GUCD1: variants seen among roughly 807,000 people sequenced by gnomAD.
GUCD1 encodes protein GUCD1.
Under a neutral mutation model 28.3 loss-of-function variants are expected in GUCD1, and 17 were observed. That is an observed-to-expected ratio of 0.60 (90% CI 0.41 to 0.90). The LOEUF is 0.90. Among genes scored for constraint, GUCD1 ranks in the 40% least tolerant of loss-of-function variants. GUCD1 has a pLI of 0.00. For synonymous variants in GUCD1, 129 were observed against 123.3 expected (o/e 1.05, Z -0.30); for missense variants, 279 against 305.5 (o/e 0.91, Z 0.65).
chr22:24,555,400 A>G (rs1489748800), upstream of GUCD1: 14 of 1,242,866 alleles, frequency 1.1e-5, no homozygotes, highest in Non-Finnish European at 1.3e-5. Flanking sequence ...CATTTCCTGA[A>G]TAGAGGCTCG....
intron 2 of GUCD1, 26 bp from the exon 3 acceptor site, chr22:24,548,099 C>T (rs770689834): frequency 6.2e-7 from 1 of 1,608,286 alleles, no homozygotes; most frequent in East Asian, 2.2e-5. Flanking sequence ...CTGGGGAGCT[C>T]AGCTTGGTCT....
chr22:24,551,277 A>G (rs1414084258), intron 1 of GUCD1, among the ~76,000 whole-genome samples: 1 of 152,134 alleles, frequency 6.6e-6, no homozygotes, highest in East Asian at 1.9e-4. Flanking sequence ...AAAGATACCC[A>G]GGCCGTTCAC....
intron 1 of GUCD1, 51 bp from the exon 2 acceptor site, chr22:24,549,052 T>G: frequency 1.5e-6 from 2 of 1,325,740 alleles, no homozygotes; most frequent in Non-Finnish European, 2.1e-6. Flanking sequence ...AGCCCACCAC[T>G]CCCACCCTCA....
rs993002802 is a variant in GUCD1, at chr22:24,542,723, G to A, written c.*283C>T. On this transcript the variant is annotated 3_prime_UTR_variant, in exon 6 of 6. Transcript: ENST00000435822. Reference sequence around the variant, plus strand: ...GCTCAAAGGCAACAAGGGCACTGTCGGGACTGGACTTCCTGTGGGCGCAGC... The same window carrying A: ...GCTCAAAGGCAACAAGGGCACTGTCAGGACTGGACTTCCTGTGGGCGCAGC... 1 of 406,182 alleles carries A rather than the reference G, an allele frequency of 2.5e-6. No individual in the cohort carries two copies. 25.2% of individuals were successfully genotyped at this position (406,182 alleles called of 1,614,324 possible).
intron 2 of GUCD1, among the ~76,000 whole-genome samples, 175 bp downstream of exon 2, chr22:24,548,742 G>A (rs1246435854): frequency 2.0e-5 from 3 of 152,196 alleles, no homozygotes; most frequent in African/African-American, 7.2e-5. Context: ...GGAAGGCCTG[G>A]TCCACCCCTT....
intron 1 of GUCD1, among the ~76,000 whole-genome samples, chr22:24,549,552 C>T (rs1310870938): frequency 6.6e-6 from 1 of 152,138 alleles, no homozygotes; most frequent in Non-Finnish European, 1.5e-5. Flanking sequence ...TGCTCTGTCG[C>T]ACAGGCTGGA....
At chr22:24,555,604 G>GC (rs374369179), upstream of GUCD1, 2 of 1,550,396 alleles carry the variant, frequency 1.3e-6, no homozygotes, top group Non-Finnish European at 1.7e-6. Context: ...CTCACTCAGG[G>GC]CCCCCCTTAC....
intron 4 of GUCD1, among the ~76,000 whole-genome samples, chr22:24,545,862 A>T (rs1252121750): frequency 6.6e-6 from 1 of 151,814 alleles, no homozygotes; most frequent in Non-Finnish European, 1.5e-5. Context: ...AAGTGCTGGG[A>T]TTACAAGCGT....
Position 24,552,769 on chromosome 22 carries a change from CA to C in GUCD1, c.43+2179del, listed in dbSNP as rs765067330. Among the ~76,000 whole-genome samples, 421 of 110,756 alleles carry C rather than the reference CA, an allele frequency of 3.8e-3. 1 individual carries two copies. The highest frequency in any genetic ancestry group is 6.8e-3 in the African/African-American group (211 of 31,016). The allele number at this position is 110,756 out of a possible 152,430, so 72.7% of individuals were successfully genotyped here. On this transcript the variant is annotated intron_variant, in intron 1 of 5. Coordinates refer to ENST00000435822, the MANE Select transcript of GUCD1 (RefSeq NM_001284254.2). ...TGGGCGACAGAGTGAGACTCCATCT[CA>C]AAAAAAAAAAAAGGAAAAGGAAAAA... is the stretch of plus-strand genomic sequence containing the variant.
At chr22:24,543,753 T>C (rs2044652357) in intron 5 of GUCD1, 89 bp downstream of exon 5, 4 of 1,515,350 alleles carry the variant, frequency 2.6e-6, no homozygotes, top group African/African-American at 2.7e-5. Context: ...CTGGCCACAC[T>C]AGATTGAATG....
At chr22:24,548,232 G>A (rs1361464958) in intron 2 of GUCD1, among the ~76,000 whole-genome samples, 159 bp from the exon 3 acceptor site, 1 of 152,194 alleles carries the variant, frequency 6.6e-6, no homozygotes, top group Admixed American at 6.5e-5. Flanking sequence ...ACACTGCCCA[G>A]GCTGCTTGGG....
At chr22:24,551,000 A>G (rs2147095169) in intron 1 of GUCD1, among the ~76,000 whole-genome samples, 1 of 152,292 alleles carries the variant, frequency 6.6e-6, no homozygotes, top group South Asian at 2.1e-4. Context: ...CATGTGCAGC[A>G]GGGCCCATGG....
At chr22:24,547,098 A>G (rs2044747551) in intron 3 of GUCD1, 93 bp from the exon 4 acceptor site, 1 of 983,626 alleles carries the variant, frequency 1.0e-6, no homozygotes, top group South Asian at 1.3e-5. Context: ...ACAGAGGCAG[A>G]GACAGCAGGA....
At chr22:24,550,585 T>G (rs180922107) in intron 1 of GUCD1, among the ~76,000 whole-genome samples, 35 of 152,334 alleles carry the variant, frequency 2.3e-4, no homozygotes, top group African/African-American at 6.7e-4. Context: ...GGCAGGTCTC[T>G]CCTGGACTGT....
In GUCD1 at chr22:24,540,947, C is replaced by T. The variant is rs886604572; in HGVS notation, c.*2059G>A. The T allele has an allele frequency of 1.8e-5, 3 of 169,404 alleles. No homozygotes were observed. In the Admixed American group the frequency reaches 2.0e-4, roughly 11 times the overall value. 10.5% of individuals were successfully genotyped at this position (169,404 alleles called of 1,614,324 possible). ...TGTGCACTGTCTAAATCACATCCCA[C>T]CATCCTGAAAACTTCATTTCCTCCC... On this transcript the variant is annotated 3_prime_UTR_variant, in exon 6 of 6. Transcript: ENST00000435822.
intron 5 of GUCD1, 74 bp from the exon 6 acceptor site, chr22:24,543,171 A>C: frequency 9.5e-7 from 1 of 1,053,486 alleles, no homozygotes; most frequent in Non-Finnish European, 1.5e-6. Context: ...CACAGTGCCC[A>C]GGGGAGCTGA....
At chr22:24,554,400 AGCTAGAACTCCGTTTGT>A (rs1366885036) in intron 1 of GUCD1, among the ~76,000 whole-genome samples, 1 of 152,244 alleles carries the variant, frequency 6.6e-6, no homozygotes, top group African/African-American at 2.4e-5. Context: ...AGAGTTTACT[AGCTAGAACTCCGTTTGT>A]CATCAACCCC....
At chr22:24,554,295 A>G (rs2044967889) in intron 1 of GUCD1, among the ~76,000 whole-genome samples, 1 of 152,330 alleles carries the variant, frequency 6.6e-6, no homozygotes, top group African/African-American at 2.4e-5. Context: ...CCAACTCCAC[A>G]CAGCAGACAC....
chr22:24,544,796 G>A (rs968795989), intron 4 of GUCD1, among the ~76,000 whole-genome samples: 1 of 152,172 alleles, frequency 6.6e-6, no homozygotes, highest in East Asian at 1.9e-4. Context: ...AGGATCGCTT[G>A]AGACTAGGAA....
Sources: gnomAD v4.1 joint callset for allele counts (sites outside exome capture counted in the v4.1 genomes callset) on GRCh38, gnomAD v4.1.1 for gene constraint, MANE v1.5 for transcripts, NCBI Gene and HGNC (gene_info 2026-07-23, HGNC 2026-07-21) for gene names.